HSPA9: variants seen among roughly 807,000 people sequenced by gnomAD.
HSPA9 encodes heat shock protein family A (Hsp70) member 9.
HSPA9 carries 28 observed loss-of-function variants against 81.5 expected under a neutral mutation model. The ratio of observed to expected loss-of-function variants is 0.34; its 90% confidence interval spans 0.25 to 0.47. The LOEUF is 0.47. Among genes scored for constraint, HSPA9 ranks in the 20% least tolerant of loss-of-function variants. The pLI, the probability that HSPA9 is intolerant of heterozygous loss-of-function variation, is 1.00. For synonymous variants in HSPA9, 293 were observed against 290.4 expected, an observed-to-expected ratio of 1.01 and a Z score of -0.09; for missense variants, 678 against 838.0, an observed-to-expected ratio of 0.81 and a Z score of 2.36.
intron 1 of HSPA9, 67 bp from the exon 2 acceptor site, chr5:138,574,193 G>A (rs768298402): frequency 1.8e-6 from 2 of 1,136,148 alleles, no homozygotes; most frequent in African/African-American, 1.5e-5. Flanking sequence ...GAGAAAACTT[G>A]GGCTCACTTA....
intron 12 of HSPA9, 123 bp downstream of exon 12, chr5:138,558,430 C>A: frequency 1.3e-6 from 1 of 748,512 alleles, no homozygotes; most frequent in South Asian, 1.4e-5. Flanking sequence ...TGCATCCCTT[C>A]TTCTCAAGAC....
chr5:138,557,722 T>C, intron 13 of HSPA9, 147 bp downstream of exon 13: 1 of 760,392 alleles, frequency 1.3e-6, no homozygotes, highest in Non-Finnish European at 2.4e-6. Flanking sequence ...ATCCACAGGC[T>C]CAGTGCCTGT....
rs537113834 is a variant in HSPA9 at position 138,556,221 on chromosome 5, T to A, written c.1963-107A>T. On this transcript the variant is annotated intron_variant, in intron 16 of 16. Coordinates refer to ENST00000297185, the MANE Select transcript of HSPA9 (RefSeq NM_004134.7). ...ACCCACATATGTCCTCATCATTCAT[T>A]TCTATTCCACTCCCCCTCCCCACTT... 2.6e-5 allele frequency: 28 copies of A among 1,073,506 alleles called. No individual in the cohort carries two copies. In the East Asian group the frequency reaches 6.4e-4, roughly 25 times the overall value. The allele number at this position is 1,073,506 out of a possible 1,614,324, so 66.5% of individuals were successfully genotyped here. A position where few individuals can be genotyped will look rare whatever the true frequency, so the allele number is the denominator to read the frequency against.
Position 138,556,827 on chromosome 5 carries a change from G to T in HSPA9, c.1768C>A (p.His590Asn). 1 of 1,613,848 alleles carries T rather than the reference G, an allele frequency of 6.2e-7. No homozygotes were observed. The stretch of plus-strand genomic sequence containing the variant: ...TCTTCCATCTTGGTTTCTGTGTCGT[G>T]AATGATTCCTTCAGCCATATTAACT... ...EAVNMAEGIIHDTETKMEEFK... is the reference protein window; with the variant it reads ...EAVNMAEGIINDTETKMEEFK... The change falls in exon 15 of 17, where the codon CAC (histidine) becomes AAC (asparagine). Residue 590 changes from histidine to asparagine, a missense_variant. By Grantham distance (68) the His-to-Asn change is moderately conservative. Coordinates refer to ENST00000297185, the MANE Select transcript of HSPA9 (RefSeq NM_004134.7).
intron 9 of HSPA9, among the ~76,000 whole-genome samples, chr5:138,565,554 C>T (rs572870113): frequency 1.8e-4 from 27 of 152,260 alleles, no homozygotes; most frequent in African/African-American, 6.5e-4. Context: ...GGGTCTCTAA[C>T]ACAGATCTAA....
chr5:138,563,671 G>A (rs899444343), intron 9 of HSPA9, among the ~76,000 whole-genome samples: 1 of 152,192 alleles, frequency 6.6e-6, no homozygotes, highest in African/African-American at 2.4e-5. Flanking sequence ...TCTAGGGAGA[G>A]ACACCAAATC....
chr5:138,575,205 G>A, intron 1 of HSPA9, 33 bp downstream of exon 1: 4 of 1,508,470 alleles, frequency 2.7e-6, no homozygotes, highest in Non-Finnish European at 3.6e-6. Context: ...GCCCGAGGCC[G>A]TGACCCCATT....
chr5:138,570,684 C>A lies in HSPA9; in HGVS notation c.410+276G>T, dbSNP rs1418000789. On this transcript the variant is annotated intron_variant, in intron 4 of 16. Coordinates refer to ENST00000297185, the MANE Select transcript of HSPA9 (RefSeq NM_004134.7). ...TATTTTAGTAGAGACAGGGTTTCAC[C>A]ATGTTGGCCAGGCTGGTCTTGAACT... 12 of 389,028 alleles carry A rather than the reference C, an allele frequency of 3.1e-5. No individual in the cohort carries two copies. The East Asian group carries it at 7.3e-4, about 24-fold the overall frequency. The allele number at this position is 389,028 out of a possible 1,614,324, so 24.1% of individuals were successfully genotyped here. A position where few individuals can be genotyped will look rare whatever the true frequency, so the allele number is the denominator to read the frequency against.
At chr5:138,566,597 C>G in intron 9 of HSPA9, 29 bp downstream of exon 9, 1 of 1,460,726 alleles carries the variant, frequency 6.8e-7, no homozygotes, top group Non-Finnish European at 9.6e-7. Flanking sequence ...AAATATCCAT[C>G]AAGACTGCTC....
chr5:138,559,101 A>AT, intron 11 of HSPA9: 1 of 195,646 alleles, frequency 5.1e-6, no homozygotes, highest in Non-Finnish European at 1.1e-5. Context: ...GTCAGGAAAT[A>AT]ATTTTTTTTT....
In HSPA9 at chr5:138,555,763, C is replaced by A. The variant is rs530498410; in HGVS notation, c.*274G>T. ...TCACTTCAGCATAAAATAGTTAAATCTTTATAATGATCAATTCATCCTACC... is the reference window on the plus strand; with the variant it reads ...TCACTTCAGCATAAAATAGTTAAATATTTATAATGATCAATTCATCCTACC... On this transcript the variant is annotated 3_prime_UTR_variant, in exon 17 of 17. Coordinates refer to ENST00000297185, the MANE Select transcript of HSPA9 (RefSeq NM_004134.7). 6 of 485,824 alleles carry A rather than the reference C, an allele frequency of 1.2e-5. No individual in the cohort carries two copies. Among genetic ancestry groups the A allele is most frequent in the African/African-American group, 9.8e-5 (5 of 51,070 alleles). 30.1% of individuals were successfully genotyped at this position (485,824 alleles called of 1,614,324 possible).
At position 138,558,037 on chromosome 5, in the gene HSPA9, CTAT is replaced by C. The variant is rs748126703; in HGVS notation, c.1516-54_1516-52del. 7.1e-6 allele frequency: 8 copies of C among 1,128,602 alleles called. No homozygotes were observed. In the African/African-American group the frequency reaches 7.6e-5, roughly 11 times the overall value. The allele number at this position is 1,128,602 out of a possible 1,614,324, so 69.9% of individuals were successfully genotyped here. A position where few individuals can be genotyped will look rare whatever the true frequency, so the allele number is the denominator to read the frequency against. ...GGTCCTCTTACAGAGGGGTCCAGTGCTATTATTTCCAAATCTATATGGTTTTCT... is the reference window on the plus strand; with the variant it reads ...GGTCCTCTTACAGAGGGGTCCAGTGCTATTTCCAAATCTATATGGTTTTCT... On this transcript the variant is annotated intron_variant, in intron 12 of 16. Transcript: ENST00000297185.
At position 138,555,922 on chromosome 5, in the gene HSPA9, T is replaced by C. The variant is rs1750508827; in HGVS notation, c.*115A>G. ...ATTTACAAATTAAGGAAATTATATATAGAATACTGCAAAAACACAGTAAAA... is the reference window on the plus strand; with the variant it reads ...ATTTACAAATTAAGGAAATTATATACAGAATACTGCAAAAACACAGTAAAA... On this transcript the variant is annotated 3_prime_UTR_variant, in exon 17 of 17. Transcript: ENST00000297185. The C allele has an allele frequency of 4.0e-6, 3 of 750,630 alleles. No homozygotes were observed. The highest frequency in any genetic ancestry group is 7.1e-6 in the Non-Finnish European group (3 of 422,986). 46.5% of individuals were successfully genotyped at this position (750,630 alleles called of 1,614,324 possible).
At chr5:138,568,824 G>A (rs1031871634) in intron 5 of HSPA9, 101 bp downstream of exon 5, 18 of 1,239,804 alleles carry the variant, frequency 1.5e-5, no homozygotes, top group Non-Finnish European at 1.2e-6. Context: ...ATACAAAAGG[G>A]ACCACAGATT....
At chr5:138,558,079 C>T (rs1750568835) in intron 12 of HSPA9, 93 bp from the exon 13 acceptor site, 3 of 872,184 alleles carry the variant, frequency 3.4e-6, no homozygotes, top group Non-Finnish European at 5.9e-6. Flanking sequence ...AAACAAGTCA[C>T]TTGGTTCCTG....
intron 4 of HSPA9, among the ~76,000 whole-genome samples, chr5:138,570,545 C>T (rs1479136979): frequency 3.3e-5 from 5 of 152,160 alleles, no homozygotes; most frequent in Admixed American, 3.3e-4. Flanking sequence ...AGTGCAGTGG[C>T]AGTGATCTCG....
At position 138,575,024 on chromosome 5, in the gene HSPA9, C is replaced by T. The variant is rs1247526900; in HGVS notation, c.81+214G>A. On this transcript the variant is annotated intron_variant, in intron 1 of 16. Transcript: ENST00000297185. ...AATTTTGAAATGACACTCTAGATCG[C>T]GAGGGGTGTGACTCAGCAGGGCCCA... 1.5e-5 allele frequency: 9 copies of T among 600,776 alleles called. No homozygotes were observed. The East Asian group carries it at 2.2e-4, about 15-fold the overall frequency. The allele number at this position is 600,776 out of a possible 1,614,324, so 37.2% of individuals were successfully genotyped here.
At chr5:138,562,883 G>A (rs1197149374) in intron 9 of HSPA9, among the ~76,000 whole-genome samples, 2 of 152,164 alleles carry the variant, frequency 1.3e-5, no homozygotes, top group Non-Finnish European at 2.9e-5. Context: ...TAATGTATGA[G>A]GACTGACTTG....
intron 4 of HSPA9, among the ~76,000 whole-genome samples, chr5:138,570,258 T>C (rs1750849798): frequency 6.6e-6 from 1 of 152,062 alleles, no homozygotes; most frequent in Admixed American, 6.5e-5. Flanking sequence ...AAGGGTCAGT[T>C]GAGTCCAGGA....
Sources: allele counts gnomAD v4.1 joint callset (sites outside exome capture counted in the v4.1 genomes callset), GRCh38; gene constraint gnomAD v4.1.1; transcripts MANE v1.5; gene names NCBI Gene and HGNC (gene_info 2026-07-23, HGNC 2026-07-21).